The following FAM83G variants were observed in gnomAD, a reference collection of about 807,000 sequenced individuals.
FAM83G encodes the protein scaffolding CK1 anchoring protein G.
A neutral mutation model predicts 61.5 loss-of-function variants in FAM83G; 38 were observed. That is an observed-to-expected ratio of 0.62 (90% CI 0.48 to 0.81). The LOEUF (loss-of-function observed/expected upper bound fraction) is 0.81. FAM83G is among the 30% of genes least tolerant of loss of function. The probability of loss-of-function intolerance (pLI) is 0.00; values close to 1 mark genes in which losing one functional copy is unlikely to be tolerated. For missense variants in FAM83G, 989 were observed against 1,133.6 expected, an observed-to-expected ratio of 0.87 and a Z score of 1.83; for synonymous variants, 470 against 476.1, an observed-to-expected ratio of 0.99 and a Z score of 0.17.
chr17:19,001,184 C>T (rs1024746040), intron 2 of FAM83G, among the ~76,000 whole-genome samples: 1 of 152,234 alleles, frequency 6.6e-6, no homozygotes, highest in African/African-American at 2.4e-5. Context: ...TTATCCCTGC[C>T]CACACATGCC....
chr17:18,980,491 C>T (rs765928209), intron 3 of FAM83G, among the ~76,000 whole-genome samples: 2 of 152,182 alleles, frequency 1.3e-5, no homozygotes, highest in African/African-American at 4.8e-5. Flanking sequence ...CAGGTCGTCA[C>T]CGGCCTTTTC....
intron 3 of FAM83G, among the ~76,000 whole-genome samples, chr17:18,987,004 C>T (rs975055539): frequency 1.3e-5 from 2 of 152,184 alleles, no homozygotes; most frequent in African/African-American, 4.8e-5. Flanking sequence ...TAAAAATGTC[C>T]CAAGAGCTAG....
intron 2 of FAM83G, among the ~76,000 whole-genome samples, chr17:18,989,715 T>C (rs1490031978): frequency 3.3e-5 from 5 of 152,176 alleles, no homozygotes; most frequent in Non-Finnish European, 7.4e-5. Context: ...CCCCGCACGT[T>C]CCCATTTACA....
chr17:18,971,377 C>G lies in FAM83G; in HGVS notation c.2454G>C (p.Arg818=), dbSNP rs1449604523. 4 of 1,595,228 alleles carry G rather than the reference C, an allele frequency of 2.5e-6. No homozygotes were observed. The highest frequency in any genetic ancestry group is 3.4e-6 in the Non-Finnish European group (4 of 1,173,512). ...CATGCTGCTAGGGGTCTTTGCGGTC[C>G]CGGGGGGCTTGAGCCCTCCGTTTAG... ...SDSKRRAQAP[R]DRKDP is the part of the protein sequence containing the mutation. The change falls in exon 6 of 6, where the codon CGG becomes CGC. Residue 818 remains arginine (R), a synonymous_variant. Coordinates refer to ENST00000388995, the MANE Select transcript of FAM83G (RefSeq NM_001039999.3). The surrounding 1 kb of genome is among the most constrained non-coding windows in gnomAD (Gnocchi z 5.5).
intron 2 of FAM83G, among the ~76,000 whole-genome samples, chr17:18,998,495 G>A (rs2043627614): frequency 6.6e-6 from 1 of 152,208 alleles, no homozygotes; most frequent in Non-Finnish European, 1.5e-5. Flanking sequence ...AGCCGACTCT[G>A]AGCCTCAGTT....
chr17:18,980,492 C>T lies in FAM83G; in HGVS notation c.691-819G>A, dbSNP rs535757433. On this transcript the variant is annotated intron_variant, in intron 3 of 5. Transcript: ENST00000388995. ...CTCAGCTCCAAGGCCAGGTCGTCAC[C>T]GGCCTTTTCCTGGACCCTGAACACA... Among the ~76,000 whole-genome samples, 15 of 152,276 alleles carry T rather than the reference C, an allele frequency of 9.9e-5. No homozygotes were observed. The South Asian group carries it at 1.7e-3, about 17-fold the overall frequency.
At chr17:18,986,434 C>A (rs751791384) in intron 3 of FAM83G, 1 of 152,210 alleles carries the variant, frequency 6.6e-6, no homozygotes, top group Admixed American at 6.5e-5. Context: ...GGCTTTTAGG[C>A]GCCACCCCTA....
Position 18,971,499 on chromosome 17 carries a change from C to G in FAM83G, c.2332G>C (p.Glu778Gln), listed in dbSNP as rs770925456. 8.1e-6 allele frequency: 13 copies of G among 1,613,920 alleles called. No homozygotes were observed. Among genetic ancestry groups the G allele is most frequent in the Non-Finnish European group, 1.1e-5 (13 of 1,180,044 alleles). The change falls in exon 6 of 6, where the codon GAG (glutamate) becomes CAG (glutamine). Residue 778 changes from glutamate (E) to glutamine (Q), a missense_variant. Around this residue, in one of 3 missense-constraint regions of FAM83G, gnomAD observed 574 missense variants for 645.1 expected, o/e 0.89. Coordinates refer to ENST00000388995, the MANE Select transcript of FAM83G (RefSeq NM_001039999.3). The surrounding 1 kb of genome is among the most constrained non-coding windows in gnomAD (Gnocchi z 5.5). ...GGGATTCCGAAGGGACTCGGATGCT[C>G]CTCGGTGGCCCTGCCATCGGTCATG... ...RPMTDGRATE[E>Q]HPSPFGIPYS...
Position 18,977,469 on chromosome 17 carries a change from G to A in FAM83G, c.2082+115C>T, listed in dbSNP as rs190194224. ...ATCAAGTTTCCCCATCTGTAACAAG[G>A]GAATTGAAGTCATCAGAGTCAGGGA... On this transcript the variant is annotated intron_variant, in intron 5 of 5. Coordinates refer to ENST00000388995, the MANE Select transcript of FAM83G (RefSeq NM_001039999.3). 16 of 1,054,954 alleles carry A rather than the reference G, an allele frequency of 1.5e-5. No individual in the cohort carries two copies. In the Admixed American group the frequency reaches 3.8e-4, roughly 25 times the overall value. The allele number at this position is 1,054,954 out of a possible 1,614,324, so 65.3% of individuals were successfully genotyped here.
chr17:18,981,175 C>G (rs1010659228), intron 3 of FAM83G, among the ~76,000 whole-genome samples: 14 of 152,142 alleles, frequency 9.2e-5, no homozygotes, highest in Non-Finnish European at 1.6e-4. Context: ...CCCAGGATCG[C>G]AGAGGAGTAG....
At chr17:18,981,528 G>T (rs1239995389) in intron 3 of FAM83G, among the ~76,000 whole-genome samples, 3 of 152,114 alleles carry the variant, frequency 2.0e-5, no homozygotes, top group Non-Finnish European at 4.4e-5. Flanking sequence ...TATGGGAGAG[G>T]AGGGGAGCCT....
In FAM83G at chr17:18,969,364, C is replaced by A. The variant is rs1005486320; in HGVS notation, c.*1995G>T. Reference sequence around the variant, plus strand: ...CAGGGGGCCTGGCTGCTGTAATCTACACGGACGCCCTGCAGACGCTCATCA... The same window carrying A: ...CAGGGGGCCTGGCTGCTGTAATCTAAACGGACGCCCTGCAGACGCTCATCA... On this transcript the variant is annotated 3_prime_UTR_variant, in exon 6 of 6. Transcript: ENST00000388995. The A allele has an allele frequency of 1.2e-6, 2 of 1,613,656 alleles. No individual in the cohort carries two copies. Among genetic ancestry groups the A allele is most frequent in the African/African-American group, 2.7e-5 (2 of 75,064 alleles).
intron 2 of FAM83G, among the ~76,000 whole-genome samples, chr17:18,999,259 C>T (rs1425155950): frequency 6.6e-6 from 1 of 150,584 alleles, no homozygotes; most frequent in Non-Finnish European, 1.5e-5. Flanking sequence ...GCCTGGGCGA[C>T]AGAGCAAGAC....
chr17:18,971,867 T>A lies in FAM83G; in HGVS notation c.2083-119A>T. The A allele has an allele frequency of 9.0e-7, 1 of 1,111,130 alleles. No homozygotes were observed. The highest frequency in any genetic ancestry group is 1.6e-5 in the South Asian group (1 of 60,852). 68.8% of individuals were successfully genotyped at this position (1,111,130 alleles called of 1,614,324 possible). ...CCGGGTTCGCCTCCTGGCTCTGCCA[T>A]TCACCAGGGAGTGGGCCTAGACCAG... On this transcript the variant is annotated intron_variant, in intron 5 of 5. Transcript: ENST00000388995. The surrounding 1 kb of genome is among the most constrained non-coding windows in gnomAD (Gnocchi z 5.5).
At chr17:18,987,386 C>A (rs1040483386) in intron 3 of FAM83G, among the ~76,000 whole-genome samples, 2 of 152,224 alleles carry the variant, frequency 1.3e-5, no homozygotes, top group South Asian at 4.1e-4. Flanking sequence ...CAGGGCCTGG[C>A]GCACGGCCAA....
chr17:18,985,358 G>C (rs2043244130), intron 3 of FAM83G, among the ~76,000 whole-genome samples: 1 of 152,212 alleles, frequency 6.6e-6, no homozygotes, highest in African/African-American at 2.4e-5. Context: ...CTGGGGCTCA[G>C]GACTGGCTCC....
In FAM83G at chr17:18,978,598, G is replaced by A. The variant is rs139570154; in HGVS notation, c.1068C>T (p.Ser356=). Reference sequence around the variant, plus strand: ...AGGAGATCTTGGCAATCTCGTCGACGCTCTTGGCCTTGACAAGTGCGTACT... The same window carrying A: ...AGGAGATCTTGGCAATCTCGTCGACACTCTTGGCCTTGACAAGTGCGTACT... ...NPKYALVKAK[S]VDEIAKISSE... Residue 356 remains serine (S), a synonymous_variant, in exon 5 of 6, where the codon AGC becomes AGT. Coordinates refer to ENST00000388995, the MANE Select transcript of FAM83G (RefSeq NM_001039999.3). 701 of 1,613,126 alleles carry A rather than the reference G, an allele frequency of 4.3e-4. 1 individual carries two copies. The African/African-American group carries it at 7.9e-3, about 18-fold the overall frequency.
At chr17:19,005,182 G>A (rs1341766066), upstream of FAM83G, among the ~76,000 whole-genome samples, 2 of 152,206 alleles carry the variant, frequency 1.3e-5, no homozygotes, top group African/African-American at 4.8e-5. Flanking sequence ...GAGCCCCCAG[G>A]CAGGGATAGG....
Position 18,968,919 on chromosome 17 carries a change from G to A in FAM83G, c.*2440C>T. 1.4e-6 allele frequency: 1 copy of A among 734,374 alleles called. No homozygotes were observed. The highest frequency in any genetic ancestry group is 2.2e-6 in the Non-Finnish European group (1 of 459,710). 45.5% of individuals were successfully genotyped at this position (734,374 alleles called of 1,614,324 possible). A position where few individuals can be genotyped will look rare whatever the true frequency, so the allele number is the denominator to read the frequency against. ...AATGGCCCCGTGATGCAGGCAGGCA[G>A]GCGAGTGGGGGTCTCCCCTCCTTAT... is the stretch of plus-strand genomic sequence containing the variant. On this transcript the variant is annotated 3_prime_UTR_variant, in exon 6 of 6. Coordinates refer to ENST00000388995, the MANE Select transcript of FAM83G (RefSeq NM_001039999.3). This position sits in a 1 kb window ranked among gnomAD's most constrained non-coding sequence, Gnocchi z 4.1.
Sources: allele counts gnomAD v4.1 joint callset (sites outside exome capture counted in the v4.1 genomes callset), GRCh38; gene constraint gnomAD v4.1.1; regional missense constraint gnomAD v4.1.1; non-coding constraint Gnocchi (gnomAD v3.1); transcripts MANE v1.5; gene names NCBI Gene and HGNC (gene_info 2026-07-23, HGNC 2026-07-21).